The following GRIN2B variants were observed in gnomAD, a reference collection of about 807,000 sequenced individuals.
GRIN2B encodes the protein glutamate receptor ionotropic, NMDA 2B.
A neutral mutation model predicts 114.5 loss-of-function variants in GRIN2B; 5 were observed. That is an observed-to-expected ratio of 0.04 (90% CI 0.02 to 0.09). GRIN2B has a LOEUF of 0.09. Ranked by LOEUF, GRIN2B falls within the 10% of genes least tolerant of loss-of-function variation. The pLI is 1.00. For synonymous variants in GRIN2B, 787 were observed against 745.1 expected, an observed-to-expected ratio of 1.06 and a Z score of -0.92; for missense variants, 1,108 against 1,943.5, an observed-to-expected ratio of 0.57 and a Z score of 8.08.
At chr12:13,811,823 C>T (rs1018251897) in intron 3 of GRIN2B, among the ~76,000 whole-genome samples, 5 of 152,070 alleles carry the variant, frequency 3.3e-5, no homozygotes, top group African/African-American at 4.8e-5. Flanking sequence ...GAATTAGGCA[C>T]GGAGATCTTC....
intron 3 of GRIN2B, among the ~76,000 whole-genome samples, chr12:13,827,556 G>C (rs928882060): frequency 9.9e-5 from 15 of 151,814 alleles, no homozygotes; most frequent in African/African-American, 3.4e-4. Flanking sequence ...ATCTCATCCA[G>C]TTCATTTTTA....
At chr12:13,676,061 T>A (rs1027183611) in intron 4 of GRIN2B, among the ~76,000 whole-genome samples, 7 of 152,044 alleles carry the variant, frequency 4.6e-5, no homozygotes, top group African/African-American at 1.7e-4. Flanking sequence ...AGGAATCACA[T>A]GAAAAAGTAA....
At chr12:13,816,487 CA>C (rs753978872) in intron 3 of GRIN2B, among the ~76,000 whole-genome samples, 8 of 152,056 alleles carry the variant, frequency 5.3e-5, no homozygotes, top group Non-Finnish European at 1.2e-4. Flanking sequence ...ATGATAAAGT[CA>C]CAGTTTGGAT....
At chr12:13,685,743 C>T (rs767986059) in intron 4 of GRIN2B, among the ~76,000 whole-genome samples, 20 of 152,094 alleles carry the variant, frequency 1.3e-4, no homozygotes, top group African/African-American at 2.9e-4. Flanking sequence ...ACATAGGGAA[C>T]GAAATCATTT....
At chr12:13,668,657 T>C (rs938686388) in intron 5 of GRIN2B, among the ~76,000 whole-genome samples, 2 of 152,040 alleles carry the variant, frequency 1.3e-5, no homozygotes, top group Non-Finnish European at 2.9e-5. Flanking sequence ...GTCATTGTCG[T>C]AAGTAAAACA....
intron 4 of GRIN2B, among the ~76,000 whole-genome samples, chr12:13,723,039 C>T (rs1862907392): frequency 6.6e-6 from 1 of 152,044 alleles, no homozygotes; most frequent in South Asian, 2.1e-4. Context: ...GTCCAGGAAG[C>T]AGGACACTAG....
chr12:13,851,773 C>T (rs780784132), intron 3 of GRIN2B, among the ~76,000 whole-genome samples: 1 of 152,014 alleles, frequency 6.6e-6, no homozygotes, highest in Non-Finnish European at 1.5e-5. Context: ...TGAGAATTTA[C>T]AATATTTGCT....
At chr12:13,620,186 G>A (rs1367439478) in intron 5 of GRIN2B, among the ~76,000 whole-genome samples, 1 of 152,200 alleles carries the variant, frequency 6.6e-6, no homozygotes, top group East Asian at 1.9e-4. Flanking sequence ...TATCTGCCAA[G>A]GAAAGGGCAA....
intron 2 of GRIN2B, among the ~76,000 whole-genome samples, chr12:13,971,713 C>A (rs535667925): frequency 2.6e-5 from 4 of 152,272 alleles, no homozygotes; most frequent in African/African-American, 9.6e-5. Context: ...AAATGGGGCA[C>A]CCTCAATAAA....
chr12:13,909,624 G>A (rs190015756), intron 2 of GRIN2B, among the ~76,000 whole-genome samples: 2 of 152,300 alleles, frequency 1.3e-5, no homozygotes, highest in Admixed American at 6.5e-5. Flanking sequence ...TGCATCCAGC[G>A]GCCTGACGGC....
chr12:13,562,592 G>A lies in GRIN2B; in HGVS notation c.*191C>T, dbSNP rs1359761693. On this transcript the variant is annotated 3_prime_UTR_variant, in exon 14 of 14. Coordinates refer to ENST00000609686, the MANE Select transcript of GRIN2B (RefSeq NM_000834.5). ...GGGAAGAAGGAGAGAACTGTGAAAA[G>A]GAGGAGAGATGGTGCTGGTCACCAG... 14 of 611,818 alleles carry A rather than the reference G, an allele frequency of 2.3e-5. No homozygotes were observed. The highest frequency in any genetic ancestry group is 1.9e-4 in the South Asian group (10 of 51,528). The allele number at this position is 611,818 out of a possible 1,614,324, so 37.9% of individuals were successfully genotyped here.
At chr12:13,878,168 G>T (rs1866019545) in intron 2 of GRIN2B, among the ~76,000 whole-genome samples, 1 of 151,878 alleles carries the variant, frequency 6.6e-6, no homozygotes, top group Non-Finnish European at 1.5e-5. Flanking sequence ...CAGTCGTCCG[G>T]TTTCCAGGTG....
chr12:13,645,254 A>G (rs1042563046), intron 5 of GRIN2B, among the ~76,000 whole-genome samples: 1 of 152,030 alleles, frequency 6.6e-6, no homozygotes, highest in African/African-American at 2.4e-5. Flanking sequence ...TGTCTTAGGG[A>G]ATAAGGAGAT....
intron 5 of GRIN2B, among the ~76,000 whole-genome samples, chr12:13,633,102 T>C (rs926905804): frequency 5.3e-5 from 8 of 152,204 alleles, no homozygotes; most frequent in Non-Finnish European, 1.2e-4. Flanking sequence ...GAAAGGGAAG[T>C]CACATAAAGT....
At chr12:13,948,833 G>T (rs572571687) in intron 2 of GRIN2B, among the ~76,000 whole-genome samples, 13 of 152,290 alleles carry the variant, frequency 8.5e-5, no homozygotes, top group South Asian at 4.1e-4. Flanking sequence ...TCCATGGACA[G>T]ATGGGCCATT....
chr12:13,866,843 C>A (rs1459382852), intron 2 of GRIN2B, among the ~76,000 whole-genome samples: 2 of 152,228 alleles, frequency 1.3e-5, no homozygotes, highest in East Asian at 3.9e-4. Context: ...TAAAACATTG[C>A]CTCAATTGAT....
rs888566056 is a variant in GRIN2B, at chr12:13,539,670, C to T, written c.*23113G>A. On this transcript the variant is annotated 3_prime_UTR_variant, in exon 14 of 14. Coordinates refer to ENST00000609686, the MANE Select transcript of GRIN2B (RefSeq NM_000834.5). ...TTGTCTTCATTAATATTGGGAAGAA[C>T]CAGCAAAATCCAACTGTGGGAACCT... The T allele has an allele frequency of 2.0e-5, 3 of 152,108 alleles. No individual in the cohort carries two copies. Among genetic ancestry groups the T allele is most frequent in the Non-Finnish European group, 4.4e-5 (3 of 68,012 alleles). 9.4% of individuals were successfully genotyped at this position (152,108 alleles called of 1,614,324 possible). A position where few individuals can be genotyped will look rare whatever the true frequency, so the allele number is the denominator to read the frequency against.
chr12:13,572,208 A>G (rs1948717165), intron 10 of GRIN2B, among the ~76,000 whole-genome samples: 1 of 152,152 alleles, frequency 6.6e-6, no homozygotes, highest in African/African-American at 2.4e-5. Flanking sequence ...TATTTGCCCA[A>G]CCCTGACTTT....
chr12:13,824,601 T>C (rs562279162), intron 3 of GRIN2B, among the ~76,000 whole-genome samples: 11 of 152,276 alleles, frequency 7.2e-5, no homozygotes, highest in African/African-American at 2.4e-4. Flanking sequence ...ACGCCTGTAA[T>C]CCCTCCACTT....
Sources: gnomAD v4.1 joint callset for allele counts (sites outside exome capture counted in the v4.1 genomes callset) on GRCh38, gnomAD v4.1.1 for gene constraint, MANE v1.5 for transcripts, NCBI Gene and HGNC (gene_info 2026-07-23, HGNC 2026-07-21) for gene names.